Variants in RBMS3 observed in about 807,000 individuals in gnomAD.
The protein encoded by RBMS3 is RNA-binding motif, single-stranded-interacting protein 3.
In RBMS3, 27 loss-of-function variants were observed where a neutral mutation model predicts 66.8. The ratio of observed to expected loss-of-function variants is 0.40; its 90% CI spans 0.30 to 0.56. The LOEUF (loss-of-function observed/expected upper bound fraction) is 0.56. Ranked by LOEUF, RBMS3 falls within the 20% of genes least tolerant of loss-of-function variation. RBMS3 has a pLI of 0.40. For missense variants in RBMS3, 513 were observed against 549.5 expected (o/e 0.93, Z 0.66); for synonymous variants, 188 against 183.0 (o/e 1.03, Z -0.22).
At chr3:29,722,561 G>C (rs1387791885) in intron 4 of RBMS3, among the ~76,000 whole-genome samples, 2 of 151,974 alleles carry the variant, frequency 1.3e-5, no homozygotes, top group Admixed American at 6.6e-5. Context: ...AATTTTTTTA[G>C]GGGAGGGTTT....
intron 6 of RBMS3, among the ~76,000 whole-genome samples, chr3:29,811,600 T>C (rs975930097): frequency 1.9e-4 from 29 of 152,180 alleles, no homozygotes; most frequent in African/African-American, 7.0e-4. Context: ...GGCATGAGGC[T>C]GCTTCAAAAC....
chr3:29,298,708 T>G (rs1000642556), intron 1 of RBMS3, among the ~76,000 whole-genome samples: 1 of 151,904 alleles, frequency 6.6e-6, no homozygotes, highest in Non-Finnish European at 1.5e-5. Context: ...TTATGTACGT[T>G]TGGTCTCATG....
chr3:29,528,108 ATT>A (rs66534941), intron 3 of RBMS3, among the ~76,000 whole-genome samples: 2,880 of 108,160 alleles, frequency 0.027, 81 homozygotes, highest in African/African-American at 0.095. Context: ...TGCAAGCAAG[ATT>A]TTTTTTTTTT....
At chr3:29,568,430 G>A (rs556075710) in intron 3 of RBMS3, among the ~76,000 whole-genome samples, 1 of 152,208 alleles carries the variant, frequency 6.6e-6, no homozygotes, top group Non-Finnish European at 1.5e-5. Context: ...CTCTTAGAAT[G>A]TATTTAAAAC....
chr3:29,429,011 C>T (rs2041077023), intron 1 of RBMS3, among the ~76,000 whole-genome samples: 1 of 152,108 alleles, frequency 6.6e-6, no homozygotes, highest in African/African-American at 2.4e-5. Context: ...GAGCATCATC[C>T]TCCAGTGTTT....
intron 4 of RBMS3, among the ~76,000 whole-genome samples, chr3:29,701,785 AC>A (rs371046513): frequency 2.6e-5 from 4 of 151,934 alleles, no homozygotes; most frequent in African/African-American, 9.7e-5. Flanking sequence ...TGGAATTCTC[AC>A]CGGGCCTCAG....
chr3:29,998,707 A>G (rs1031050272), intron 14 of RBMS3, among the ~76,000 whole-genome samples: 3 of 152,222 alleles, frequency 2.0e-5, no homozygotes. Context: ...AAAACTGGCT[A>G]GCCATATGTA....
chr3:29,795,592 G>A (rs753907523), intron 6 of RBMS3, among the ~76,000 whole-genome samples: 2 of 152,144 alleles, frequency 1.3e-5, no homozygotes, highest in Non-Finnish European at 2.9e-5. Context: ...CTCAACAAAT[G>A]TTTGTTGAAT....
intron 4 of RBMS3, 31 bp downstream of exon 4, chr3:29,587,236 T>TTTTG (rs2047556489): frequency 5.1e-6 from 4 of 778,470 alleles, no homozygotes; most frequent in Non-Finnish European, 7.1e-6. Flanking sequence ...TGTTTTTTTT[T>TTTTG]TTTTTTTTTT....
At chr3:29,414,351 G>A (rs901668317) in intron 1 of RBMS3, among the ~76,000 whole-genome samples, 3 of 152,202 alleles carry the variant, frequency 2.0e-5, no homozygotes, top group Non-Finnish European at 1.5e-5. Context: ...CATGTGGATA[G>A]CTGTCTGCTT....
intron 4 of RBMS3, among the ~76,000 whole-genome samples, chr3:29,644,148 G>A (rs1246851280): frequency 6.6e-6 from 1 of 152,126 alleles, no homozygotes; most frequent in African/African-American, 2.4e-5. Context: ...TTACAATATA[G>A]TAATTTTCCC....
At chr3:29,860,445 T>G (rs2059184214) in intron 6 of RBMS3, among the ~76,000 whole-genome samples, 1 of 152,074 alleles carries the variant, frequency 6.6e-6, no homozygotes, top group Admixed American at 6.6e-5. Context: ...GGGTGGGAGG[T>G]GGGGCATATA....
intron 1 of RBMS3, among the ~76,000 whole-genome samples, chr3:29,343,042 G>T (rs144865774): frequency 6.6e-6 from 1 of 152,084 alleles, no homozygotes; most frequent in African/African-American, 2.4e-5. Context: ...TTGCTATTCA[G>T]TAGGATACTT....
intron 7 of RBMS3, among the ~76,000 whole-genome samples, chr3:29,871,189 T>C (rs1338829873): frequency 6.6e-6 from 1 of 152,176 alleles, no homozygotes; most frequent in Non-Finnish European, 1.5e-5. Flanking sequence ...TGTTGCTGTT[T>C]TCCACACTTT....
At chr3:29,654,949 C>G (rs1045136442) in intron 4 of RBMS3, among the ~76,000 whole-genome samples, 3 of 151,984 alleles carry the variant, frequency 2.0e-5, no homozygotes, top group Non-Finnish European at 4.4e-5. Context: ...AAAACGTGAC[C>G]TGATAGAGAT....
intron 1 of RBMS3, among the ~76,000 whole-genome samples, chr3:29,380,990 G>GA (rs1214542702): frequency 6.6e-6 from 1 of 152,146 alleles, no homozygotes; most frequent in Non-Finnish European, 1.5e-5. Context: ...CACCGTAGAT[G>GA]AAATAAGGTG....
intron 1 of RBMS3, among the ~76,000 whole-genome samples, chr3:29,308,086 G>C (rs1161674078): frequency 6.6e-6 from 1 of 151,732 alleles, no homozygotes; most frequent in African/African-American, 2.4e-5. Context: ...GTTTTAACTA[G>C]CATTTTGTAA....
chr3:29,860,984 C>T (rs111703973), intron 6 of RBMS3, among the ~76,000 whole-genome samples: 12 of 152,316 alleles, frequency 7.9e-5, no homozygotes, highest in African/African-American at 2.9e-4. Flanking sequence ...CTGCCTCAGC[C>T]TCCCGAGTAG....
intron 2 of RBMS3, among the ~76,000 whole-genome samples, chr3:29,440,799 G>A (rs2041591067): frequency 6.6e-6 from 1 of 152,148 alleles, no homozygotes; most frequent in African/African-American, 2.4e-5. Context: ...TCCAGGCTCC[G>A]AGCGCAGAGT....
Sources: gnomAD v4.1 joint callset for allele counts (sites outside exome capture counted in the v4.1 genomes callset) on GRCh38, gnomAD v4.1.1 for gene constraint, MANE v1.5 for transcripts, NCBI Gene and HGNC (gene_info 2026-07-23, HGNC 2026-07-21) for gene names.